Variants in COLEC10 observed in about 807,000 individuals in gnomAD.
The protein encoded by COLEC10 is collectin subfamily member 10.
Under a neutral mutation model 28.4 loss-of-function variants are expected in COLEC10, and 22 were observed. The observed-to-expected ratio is 0.78, with a 90% CI of 0.55 to 1.11. The LOEUF is 1.11. COLEC10 is among the 50% of genes least tolerant of loss of function. The pLI is 0.00. For missense variants in COLEC10, 361 were observed against 344.1 expected, an observed-to-expected ratio of 1.05 and a Z score of -0.39; for synonymous variants, 125 against 116.1, an observed-to-expected ratio of 1.08 and a Z score of -0.49.
intron 1 of COLEC10, among the ~76,000 whole-genome samples, chr8:119,007,937 A>G (rs2130077769): frequency 6.6e-6 from 1 of 151,090 alleles, no homozygotes; most frequent in East Asian, 1.9e-4. Flanking sequence ...GATAATCTAC[A>G]TTAACCCTGA....
intron 2 of COLEC10, among the ~76,000 whole-genome samples, chr8:119,014,646 C>T (rs1244305287): frequency 6.6e-6 from 1 of 150,644 alleles, no homozygotes; most frequent in Non-Finnish European, 1.5e-5. Context: ...CAAATATTTT[C>T]TCTGTTCTTT....
chr8:118,993,601 C>G (rs947887024), upstream of COLEC10, among the ~76,000 whole-genome samples: 51 of 152,212 alleles, frequency 3.4e-4, no homozygotes, highest in African/African-American at 1.2e-3. Context: ...GTGAGCCACC[C>G]GCCTTGGCCT....
At chr8:119,020,212 A>C (rs1814068426) in intron 2 of COLEC10, among the ~76,000 whole-genome samples, 1 of 152,130 alleles carries the variant, frequency 6.6e-6, no homozygotes, top group African/African-American at 2.4e-5. Context: ...CCTAGGGCCT[A>C]GTATATTGCT....
intron 2 of COLEC10, among the ~76,000 whole-genome samples, chr8:119,022,903 T>C (rs75963854): frequency 0.015 from 2,208 of 152,238 alleles, 50 homozygotes; most frequent in African/African-American, 0.051. Flanking sequence ...CTCTCTGACA[T>C]CATTTCCTAT....
intron 1 of COLEC10, among the ~76,000 whole-genome samples, chr8:119,083,708 A>G (rs1815412264): frequency 6.6e-6 from 1 of 152,220 alleles, no homozygotes; most frequent in Non-Finnish European, 1.5e-5. Flanking sequence ...ATTATTTAGT[A>G]TAAGATTTAA....
the COLEC10 span, among the ~76,000 whole-genome samples, chr8:118,987,585 G>T: frequency 4.6e-5 from 7 of 152,106 alleles, no homozygotes; most frequent in Middle Eastern, 3.4e-3. Context: ...AAGAAAGACT[G>T]ATTACATACT....
At chr8:119,098,963 TG>T (rs1815770863) in intron 3 of COLEC10, among the ~76,000 whole-genome samples, 1 of 152,142 alleles carries the variant, frequency 6.6e-6, no homozygotes, top group South Asian at 2.1e-4. Context: ...CTTTCTAGGC[TG>T]GCCTTAATGT....
Position 119,106,248 on chromosome 8 carries a change from A to G in COLEC10, c.*57A>G. 6.6e-7 allele frequency: 1 copy of G among 1,518,432 alleles called. No individual in the cohort carries two copies. Among genetic ancestry groups the G allele is most frequent in the South Asian group, 1.3e-5 (1 of 78,284 alleles). The allele number at this position is 1,518,432 out of a possible 1,614,324, so 94.1% of individuals were successfully genotyped here. On this transcript the variant is annotated 3_prime_UTR_variant, in exon 6 of 6. Transcript: ENST00000332843. ...TGTGACCGTCATTACAGTTATTGTTATCCATCCTTTTTTTCCTGATTGTAC... is the reference window on the plus strand; with the variant it reads ...TGTGACCGTCATTACAGTTATTGTTGTCCATCCTTTTTTTCCTGATTGTAC...
the COLEC10 span, among the ~76,000 whole-genome samples, chr8:118,990,111 A>G: frequency 6.6e-6 from 1 of 152,240 alleles, no homozygotes; most frequent in East Asian, 1.9e-4. Context: ...AAGATAGATA[A>G]AAACTGAAGT....
chr8:119,047,905 C>A (rs963414642), intron 2 of COLEC10, among the ~76,000 whole-genome samples: 14 of 152,230 alleles, frequency 9.2e-5, no homozygotes, highest in African/African-American at 2.9e-4. Flanking sequence ...TATATGATAA[C>A]CCCCAATCCT....
intron 1 of COLEC10, among the ~76,000 whole-genome samples, chr8:119,085,019 T>C (rs1053110189): frequency 2.5e-4 from 38 of 152,210 alleles, no homozygotes; most frequent in Admixed American, 7.2e-4. Context: ...TGTTGAACAC[T>C]TTTCATCCAC....
intron 3 of COLEC10, among the ~76,000 whole-genome samples, chr8:119,098,394 C>A (rs569551677): frequency 8.0e-4 from 122 of 152,164 alleles, no homozygotes; most frequent in Non-Finnish European, 1.5e-3. Flanking sequence ...AACCTTATTT[C>A]CTTCATGCTA....
At chr8:119,082,286 G>A (rs776912907) in intron 1 of COLEC10, among the ~76,000 whole-genome samples, 22 of 152,190 alleles carry the variant, frequency 1.4e-4, no homozygotes, top group Admixed American at 3.3e-4. Flanking sequence ...AGACCTCCCA[G>A]CAGGCTGGAG....
chr8:119,030,515 T>C (rs970388467), intron 2 of COLEC10, among the ~76,000 whole-genome samples: 1 of 152,090 alleles, frequency 6.6e-6, no homozygotes, highest in Non-Finnish European at 1.5e-5. Flanking sequence ...AGTGTGTTAG[T>C]ACTTTGCAGT....
chr8:119,074,753 G>A (rs987919977), intron 1 of COLEC10, among the ~76,000 whole-genome samples: 4 of 152,086 alleles, frequency 2.6e-5, no homozygotes, highest in African/African-American at 7.2e-5. Context: ...TCTTCTCTTC[G>A]CTGATATTGC....
At chr8:118,960,353 A>G in the COLEC10 span, among the ~76,000 whole-genome samples, 1 of 152,184 alleles carries the variant, frequency 6.6e-6, no homozygotes, top group African/African-American at 2.4e-5. Context: ...ATTGAGCATG[A>G]TCAGACCTAA....
chr8:119,002,598 C>T (rs1009207087), intron 1 of COLEC10, among the ~76,000 whole-genome samples: 1 of 152,032 alleles, frequency 6.6e-6, no homozygotes, highest in Non-Finnish European at 1.5e-5. Context: ...TAATCTAGGC[C>T]AAATTTTCTG....
intron 1 of COLEC10, among the ~76,000 whole-genome samples, chr8:119,077,887 AG>A (rs1306819338): frequency 8.5e-5 from 13 of 152,174 alleles, no homozygotes; most frequent in Admixed American, 8.5e-4. Context: ...TAGTTTATAA[AG>A]AAGAGGTTTA....
chr8:118,966,691 A>T, the COLEC10 span, among the ~76,000 whole-genome samples: 2 of 151,376 alleles, frequency 1.3e-5, no homozygotes, highest in Non-Finnish European at 2.9e-5. Flanking sequence ...TTTTTTTTTT[A>T]AATGACTGGG....
Sources: gnomAD v4.1 joint callset for allele counts (sites outside exome capture counted in the v4.1 genomes callset) on GRCh38, gnomAD v4.1.1 for gene constraint, MANE v1.5 for transcripts, NCBI Gene and HGNC (gene_info 2026-07-23, HGNC 2026-07-21) for gene names.